Variants in FRMD6 observed in about 807,000 individuals in gnomAD.
FRMD6 encodes FERM domain-containing protein 6.
In FRMD6, 37 loss-of-function variants were observed where a neutral mutation model predicts 73.2. The observed-to-expected ratio is 0.51, with a 90% CI of 0.39 to 0.66. The LOEUF (loss-of-function observed/expected upper bound fraction) is 0.66, where lower values mean the gene tolerates loss of function less well. Ranked by LOEUF, FRMD6 falls within the 30% of genes least tolerant of loss-of-function variation. The probability of loss-of-function intolerance (pLI) is 0.00; values close to 1 mark genes in which losing one functional copy is unlikely to be tolerated. For missense variants in FRMD6, 714 were observed against 780.5 expected (o/e 0.91, Z 1.02); for synonymous variants, 273 against 282.2 (o/e 0.97, Z 0.33).
At chr14:51,485,063 T>C (rs753625310), upstream of FRMD6, among the ~76,000 whole-genome samples, 4 of 152,206 alleles carry the variant, frequency 2.6e-5, no homozygotes, top group Admixed American at 6.5e-5. Flanking sequence ...ACAGCGTAAT[T>C]GAAGTTAATG....
At position 51,578,784 on chromosome 14, in the gene FRMD6, C is replaced by T. The variant is rs115766036; in HGVS notation, c.-147+8374C>T. 3.1e-3 allele frequency among the ~76,000 whole-genome samples: 474 copies of T among 152,232 alleles called. 2 individuals are homozygous for T. The highest frequency in any genetic ancestry group is 0.011 in the African/African-American group (458 of 41,544). On this transcript the variant is annotated intron_variant, in intron 2 of 14. Coordinates refer to the FRMD6 transcript ENST00000356218. ...GCAAGACTAGAAAGAAAAACAAGAT[C>T]AGAGGCACCAAAGCAGGGAGGTACA...
At chr14:51,709,473 C>G (rs1370560699) in intron 7 of FRMD6, among the ~76,000 whole-genome samples, 4 of 152,128 alleles carry the variant, frequency 2.6e-5, no homozygotes, top group African/African-American at 9.7e-5. Flanking sequence ...CATAGCTAGA[C>G]CATTGGAAAC....
intron 2 of FRMD6, among the ~76,000 whole-genome samples, chr14:51,603,655 C>T (rs1480919189): frequency 6.6e-6 from 1 of 152,154 alleles, no homozygotes; most frequent in Non-Finnish European, 1.5e-5. Flanking sequence ...AGGGCCTTGG[C>T]ATCAAACTGC....
the FRMD6 span, among the ~76,000 whole-genome samples, chr14:51,429,855 G>A: frequency 6.6e-6 from 1 of 152,114 alleles, no homozygotes; most frequent in Non-Finnish European, 1.5e-5. Flanking sequence ...ACTATCAATG[G>A]GGAGAAATTC....
chr14:51,453,906 A>G, the FRMD6 span, among the ~76,000 whole-genome samples: 3 of 152,234 alleles, frequency 2.0e-5, no homozygotes, highest in African/African-American at 7.2e-5. Context: ...ATACTCAGTT[A>G]GGTTGAGTTT....
the FRMD6 span, among the ~76,000 whole-genome samples, chr14:51,456,137 T>A: frequency 6.6e-6 from 1 of 152,178 alleles, no homozygotes; most frequent in Non-Finnish European, 1.5e-5. Flanking sequence ...TATTTCTTTT[T>A]CTCTTTTTTT....
intron 2 of FRMD6, among the ~76,000 whole-genome samples, chr14:51,606,339 C>T (rs1470938088): frequency 1.3e-5 from 2 of 152,234 alleles, no homozygotes; most frequent in Non-Finnish European, 2.9e-5. Flanking sequence ...CACAGTCACA[C>T]ATACAAATAT....
At chr14:51,663,095 A>G (rs1893340173) in intron 1 of FRMD6, among the ~76,000 whole-genome samples, 1 of 152,234 alleles carries the variant, frequency 6.6e-6, no homozygotes, top group South Asian at 2.1e-4. Context: ...CAGAATGGCT[A>G]TTAAAATGTT....
At chr14:51,620,164 A>G (rs1417765772) in intron 2 of FRMD6, among the ~76,000 whole-genome samples, 1 of 152,150 alleles carries the variant, frequency 6.6e-6, no homozygotes, top group Admixed American at 6.5e-5. Flanking sequence ...TGCCATGGGA[A>G]TTGGCTTGAC....
At chr14:51,441,224 C>T in the FRMD6 span, among the ~76,000 whole-genome samples, 19 of 152,350 alleles carry the variant, frequency 1.2e-4, no homozygotes, top group African/African-American at 4.6e-4. Context: ...ATCAGGCAGC[C>T]TTGCCAAATG....
chr14:51,535,496 G>C (rs1016045312), intron 1 of FRMD6, among the ~76,000 whole-genome samples: 1 of 152,094 alleles, frequency 6.6e-6, no homozygotes, highest in Non-Finnish European at 1.5e-5. Flanking sequence ...TTTGAGACTG[G>C]CTTCTTTCAC....
intron 2 of FRMD6, among the ~76,000 whole-genome samples, chr14:51,627,079 A>G (rs981256704): frequency 6.6e-6 from 1 of 152,172 alleles, no homozygotes; most frequent in South Asian, 2.1e-4. Flanking sequence ...TGATTTTTTT[A>G]TATGCCTTTA....
chr14:51,426,461 C>T, the FRMD6 span, among the ~76,000 whole-genome samples: 18 of 152,110 alleles, frequency 1.2e-4, no homozygotes, highest in African/African-American at 4.3e-4. Flanking sequence ...GACTTTCTAC[C>T]TTGTACTATA....
the FRMD6 span, among the ~76,000 whole-genome samples, chr14:51,450,821 G>A: frequency 1.3e-5 from 2 of 152,174 alleles, no homozygotes; most frequent in African/African-American, 2.4e-5. Flanking sequence ...GTTTGTTGAG[G>A]TCTGTTTTAT....
At chr14:51,547,403 C>A (rs1250000243) in intron 1 of FRMD6, among the ~76,000 whole-genome samples, 1 of 152,126 alleles carries the variant, frequency 6.6e-6, no homozygotes. Flanking sequence ...CAGCCTGATT[C>A]CTAACCCTCC....
chr14:51,646,379 T>A (rs1410559677), intron 2 of FRMD6, among the ~76,000 whole-genome samples: 4 of 134,790 alleles, frequency 3.0e-5, no homozygotes, highest in African/African-American at 8.4e-5. Flanking sequence ...AAGACCTCCA[T>A]AATGTTATCA....
chr14:51,412,789 T>C, the FRMD6 span, among the ~76,000 whole-genome samples: 2 of 151,532 alleles, frequency 1.3e-5, no homozygotes, highest in African/African-American at 4.8e-5. Context: ...GAGGCGCAGT[T>C]TGCAGTGAGC....
chr14:51,549,733 C>T (rs1028658906), intron 1 of FRMD6, among the ~76,000 whole-genome samples: 1 of 151,362 alleles, frequency 6.6e-6, no homozygotes, highest in South Asian at 2.1e-4. Flanking sequence ...GTAGCTGGGA[C>T]TACAGGCGCC....
At chr14:51,485,454 G>A (rs781433756), upstream of FRMD6, among the ~76,000 whole-genome samples, 6 of 152,138 alleles carry the variant, frequency 3.9e-5, no homozygotes, top group Non-Finnish European at 7.4e-5. Flanking sequence ...ACCTTTGAGG[G>A]AACACTATTC....
Sources: allele counts gnomAD v4.1 joint callset (sites outside exome capture counted in the v4.1 genomes callset), GRCh38; gene constraint gnomAD v4.1.1; transcripts MANE v1.5; gene names NCBI Gene and HGNC (gene_info 2026-07-23, HGNC 2026-07-21).